THOC2: variants seen among roughly 807,000 people sequenced by gnomAD.
THOC2 encodes the protein THO complex 2.
THOC2 carries 10 observed loss-of-function variants against 128.4 expected under a neutral mutation model. That is an observed-to-expected ratio of 0.08 (90% CI 0.05 to 0.13). THOC2 has a LOEUF of 0.13. THOC2 is among the 10% of genes least tolerant of loss of function. THOC2 has a pLI of 1.00. For synonymous variants in THOC2, 393 were observed against 396.9 expected (o/e 0.99, Z 0.12); for missense variants, 535 against 1,155.7 (o/e 0.46, Z 7.79).
chrX:123,654,758 CAAAA>C (rs149260708), intron 12 of THOC2, among the ~76,000 whole-genome samples: 1 of 24,360 alleles, frequency 4.1e-5, no homozygotes, highest in Non-Finnish European at 6.2e-5. Flanking sequence ...GACTCCGTCT[CAAAA>C]AAAAAAAAAA....
intron 36 of THOC2, among the ~76,000 whole-genome samples, 190 bp from the exon 37 acceptor site, chrX:123,611,706 C>T (rs1366238490): frequency 9.4e-6 from 1 of 106,866 alleles, no homozygotes; most frequent in African/African-American, 3.4e-5. Flanking sequence ...ATTCATGCAT[C>T]AAAGAACACT....
intron 8 of THOC2, among the ~76,000 whole-genome samples, chrX:123,676,929 T>A (rs1291485521): frequency 1.8e-5 from 2 of 111,810 alleles, no homozygotes; most frequent in Admixed American, 9.6e-5. Context: ...CCCTTAATGC[T>A]GCTGGACAAT....
intron 15 of THOC2, among the ~76,000 whole-genome samples, chrX:123,642,899 C>T (rs1367304808): frequency 1.8e-5 from 2 of 111,081 alleles, no homozygotes; most frequent in Non-Finnish European, 3.8e-5. Flanking sequence ...TGTATTTATA[C>T]CTTTTATATT....
intron 12 of THOC2, among the ~76,000 whole-genome samples, chrX:123,657,277 A>C (rs888104063): frequency 1.8e-5 from 2 of 110,531 alleles, no homozygotes; most frequent in Admixed American, 2.0e-4. Context: ...TAACATATGC[A>C]TAATGGAAAT....
At chrX:123,645,197 G>A (rs192007574) in intron 13 of THOC2, 137 bp downstream of exon 13, 16 of 472,599 alleles carry the variant, frequency 3.4e-5, no homozygotes, top group East Asian at 1.7e-4. Flanking sequence ...TGCATATGCC[G>A]CCAAAAACTA....
Position 123,712,927 on chromosome X carries a change from C to T in THOC2, c.72-19G>A. On this transcript the variant is annotated intron_variant, in intron 1 of 38. Coordinates refer to ENST00000245838, the MANE Select transcript of THOC2 (RefSeq NM_001081550.2). Reference sequence around the variant, plus strand: ...ATGCAAACTAGAATAAAATAGAAAACATGTATTTCAATTTCCACCCTAACA... The same window carrying T: ...ATGCAAACTAGAATAAAATAGAAAATATGTATTTCAATTTCCACCCTAACA... 1 of 1,076,696 alleles carries T rather than the reference C, an allele frequency of 9.3e-7. No homozygotes were observed. Among genetic ancestry groups the T allele is most frequent in the Non-Finnish European group, 1.3e-6 (1 of 796,346 alleles). 88.7% of individuals were successfully genotyped at this position (1,076,696 alleles called of 1,213,427 possible). A position where few individuals can be genotyped will look rare whatever the true frequency, so the allele number is the denominator to read the frequency against.
Position 123,638,073 on chromosome X carries a change from C to T in THOC2, c.1891G>A (p.Asp631Asn). 1 of 1,201,405 alleles carries T rather than the reference C, an allele frequency of 8.3e-7. No homozygotes were observed. Among genetic ancestry groups the T allele is most frequent in the Admixed American group, 2.2e-5 (1 of 45,303 alleles). The part of the protein sequence containing the change: ...ANPEKERMKH[D>N]DTTISSWLQS... The stretch of plus-strand genomic sequence containing the variant: ...AGCCAGCTTGAGATGGTTGTGTCAT[C>T]ATGTTTCATTCTTTCCTTTTCTGGA... The change falls in exon 18 of 39, where the codon GAT becomes AAT. Residue 631 changes from aspartate to asparagine, a missense_variant. This residue lies in a region of THOC2 where 197 missense variants were observed against 313.4 expected (regional missense o/e 0.63). Transcript: ENST00000245838.
intron 12 of THOC2, among the ~76,000 whole-genome samples, chrX:123,646,758 A>G (rs767651039): frequency 1.8e-5 from 2 of 112,033 alleles, no homozygotes; most frequent in South Asian, 7.5e-4. Context: ...TGGGTTATAA[A>G]GGAGTGGCCT....
At chrX:123,612,446 G>A (rs946037349) in intron 36 of THOC2, among the ~76,000 whole-genome samples, 2 of 111,838 alleles carry the variant, frequency 1.8e-5, no homozygotes, top group Non-Finnish European at 3.8e-5. Context: ...GCACATTATT[G>A]TACTATTTCA....
At chrX:123,714,116 A>C (rs978109067) in intron 1 of THOC2, among the ~76,000 whole-genome samples, 2 of 112,352 alleles carry the variant, frequency 1.8e-5, no homozygotes, top group Admixed American at 1.9e-4. Context: ...AGTGCAAGAG[A>C]GGAAAAGAGG....
chrX:123,656,371 A>AGG (rs1182892403), intron 12 of THOC2, among the ~76,000 whole-genome samples: 2 of 100,735 alleles, frequency 2.0e-5, no homozygotes, highest in Non-Finnish European at 4.0e-5. Context: ...AGAGAGAGAG[A>AGG]GGAACTTATG....
intron 15 of THOC2, among the ~76,000 whole-genome samples, chrX:123,642,178 C>T (rs1487040008): frequency 8.9e-6 from 1 of 112,031 alleles, no homozygotes; most frequent in Non-Finnish European, 1.9e-5. Flanking sequence ...GTAATCCCAC[C>T]ACTTTGGGAG....
intron 1 of THOC2, among the ~76,000 whole-genome samples, chrX:123,728,710 C>A (rs1271473074): frequency 1.8e-5 from 2 of 111,392 alleles, no homozygotes; most frequent in African/African-American, 6.5e-5. Flanking sequence ...CATGTAGTAG[C>A]AGAAGAAGAA....
rs928293754 is a variant in THOC2, at chrX:123,667,149, T to C, written c.1147A>G (p.Ile383Val). The change falls in exon 11 of 39, where the codon ATT (isoleucine) becomes GTT (valine). Residue 383 changes from isoleucine to valine, a missense_variant. Physicochemically the swap from Ile to Val is conservative, Grantham distance 29 (BLOSUM62 3). Coordinates refer to ENST00000245838, the MANE Select transcript of THOC2 (RefSeq NM_001081550.2). The stretch of plus-strand genomic sequence containing the variant: ...ATAGTTATATGAATGAGCTTGCAAA[T>C]AGCAAGGGCTATTAGCTTGTGTGAA... ...AASHKLIALA[I>V]CKLIHITIEP... is the part of the protein sequence containing the mutation. 4 of 1,202,777 alleles carry C rather than the reference T, an allele frequency of 3.3e-6. No individual in the cohort carries two copies. Among genetic ancestry groups the C allele is most frequent in the South Asian group, 1.8e-5 (1 of 55,105 alleles).
chrX:123,628,855 C>T (rs1391307008), intron 22 of THOC2, among the ~76,000 whole-genome samples: 1 of 110,606 alleles, frequency 9.0e-6, no homozygotes, highest in Non-Finnish European at 1.9e-5. Context: ...GACTTCAGTG[C>T]TAAAACTGGG....
chrX:123,712,993 T>TAA, intron 1 of THOC2, 85 bp from the exon 2 acceptor site: 1 of 604,458 alleles, frequency 1.7e-6, no homozygotes. Context: ...AACTGGCAAG[T>TAA]AAAAAAAAAT....
intron 4 of THOC2, among the ~76,000 whole-genome samples, chrX:123,701,983 C>T (rs1423506383): frequency 8.9e-6 from 1 of 112,091 alleles, no homozygotes; most frequent in Non-Finnish European, 1.9e-5. Context: ...AAATCTGAAA[C>T]TTCCTGAAGG....
chrX:123,725,004 G>C (rs952563478), intron 1 of THOC2, among the ~76,000 whole-genome samples: 1 of 111,559 alleles, frequency 9.0e-6, no homozygotes, highest in African/African-American at 3.3e-5. Flanking sequence ...CCAGAGCCCA[G>C]GAAGTTGAGA....
At chrX:123,619,707 A>G (rs760188481) in intron 32 of THOC2, 24 of 269,653 alleles carry the variant, frequency 8.9e-5, no homozygotes, top group Non-Finnish European at 9.3e-5. Context: ...CACATTGTTC[A>G]TATCTCTCTA....
Sources: gnomAD v4.1 joint callset for allele counts (sites outside exome capture counted in the v4.1 genomes callset) on GRCh38, gnomAD v4.1.1 for gene constraint, gnomAD v4.1.1 regional missense constraint, MANE v1.5 for transcripts, NCBI Gene and HGNC (gene_info 2026-07-23, HGNC 2026-07-21) for gene names.